GNB1: variants seen among roughly 807,000 people sequenced by gnomAD.
The protein encoded by GNB1 is G protein subunit beta 1.
In GNB1, 2 loss-of-function variants were observed where a neutral mutation model predicts 42.9. That is an observed-to-expected ratio of 0.05 (90% CI 0.02 to 0.15). GNB1 has a LOEUF of 0.15. Among genes scored for constraint, GNB1 ranks in the 10% least tolerant of loss-of-function variants. The pLI, the probability that GNB1 is intolerant of heterozygous loss-of-function variation, is 1.00. For missense variants in GNB1, 193 were observed against 462.2 expected, an observed-to-expected ratio of 0.42 and a Z score of 5.34; for synonymous variants, 183 against 174.7, an observed-to-expected ratio of 1.05 and a Z score of -0.38.
chr1:1,862,959 G>A (rs545282894), intron 1 of GNB1, among the ~76,000 whole-genome samples: 1 of 152,186 alleles, frequency 6.6e-6, no homozygotes, highest in African/African-American at 2.4e-5. Context: ...ACACACAAGA[G>A]GGAAAACCAA....
chr1:1,878,437 G>C (rs1337570668), intron 1 of GNB1, among the ~76,000 whole-genome samples: 3 of 152,172 alleles, frequency 2.0e-5, no homozygotes, highest in African/African-American at 7.2e-5. Context: ...GCACAGCCCT[G>C]ACTTGGGGCT....
chr1:1,887,582 G>T (rs1403849518), intron 1 of GNB1, among the ~76,000 whole-genome samples: 1 of 152,192 alleles, frequency 6.6e-6, no homozygotes, highest in African/African-American at 2.4e-5. Context: ...CTACCTAGAT[G>T]ATACTAGCTT....
intron 3 of GNB1, 190 bp from the exon 4 acceptor site, chr1:1,818,065 C>T (rs1240350882): frequency 1.2e-5 from 6 of 507,928 alleles, no homozygotes; most frequent in East Asian, 6.8e-5. Context: ...GTCCAGGCCA[C>T]GCTGAACAGA....
At chr1:1,792,350 TA>T (rs1413380404) in intron 8 of GNB1, among the ~76,000 whole-genome samples, 5 of 151,650 alleles carry the variant, frequency 3.3e-5, no homozygotes, top group African/African-American at 1.2e-4. Flanking sequence ...GAGGTACAAA[TA>T]TATAGAGGGG....
intron 1 of GNB1, among the ~76,000 whole-genome samples, chr1:1,887,729 C>G (rs950050408): frequency 5.3e-5 from 8 of 152,206 alleles, no homozygotes; most frequent in Non-Finnish European, 1.0e-4. Flanking sequence ...GATTCCCGTG[C>G]CTAAACCTCC....
At chr1:1,876,487 G>A (rs1352497805) in intron 1 of GNB1, among the ~76,000 whole-genome samples, 1 of 140,874 alleles carries the variant, frequency 7.1e-6, no homozygotes, top group African/African-American at 2.7e-5. Flanking sequence ...ACATGCATGT[G>A]CACACGAGAG....
chr1:1,869,919 G>A (rs1167156923), intron 1 of GNB1, among the ~76,000 whole-genome samples: 1 of 152,054 alleles, frequency 6.6e-6, no homozygotes, highest in African/African-American at 2.4e-5. Context: ...CTGGAGTGTA[G>A]TGGTACAATC....
At chr1:1,881,428 C>CTTTTTTTTT (rs70937201) in intron 1 of GNB1, among the ~76,000 whole-genome samples, 3 of 149,314 alleles carry the variant, frequency 2.0e-5, no homozygotes, top group Non-Finnish European at 3.0e-5. Flanking sequence ...TCATTTTTTT[C>CTTTTTTTTT]TTTTTTTTTG....
chr1:1,885,698 A>T (rs917728343), intron 1 of GNB1, among the ~76,000 whole-genome samples: 1 of 150,562 alleles, frequency 6.6e-6, no homozygotes, highest in African/African-American at 2.4e-5. Context: ...CTGGGACTAC[A>T]GGCGCCCGCC....
chr1:1,797,245 T>A (rs1477984685), intron 7 of GNB1, among the ~76,000 whole-genome samples: 5 of 152,154 alleles, frequency 3.3e-5, no homozygotes, highest in Non-Finnish European at 7.3e-5. Flanking sequence ...TGCCTAAATG[T>A]CTCACAATAG....
intron 5 of GNB1, among the ~76,000 whole-genome samples, chr1:1,811,157 C>T (rs1646772820): frequency 6.6e-6 from 1 of 150,842 alleles, no homozygotes; most frequent in African/African-American, 2.4e-5. Context: ...GTGATCTTGG[C>T]TCACTGCAAC....
At chr1:1,837,438 T>G (rs933968940) in intron 2 of GNB1, among the ~76,000 whole-genome samples, 2 of 151,986 alleles carry the variant, frequency 1.3e-5, no homozygotes, top group Non-Finnish European at 2.9e-5. Flanking sequence ...GTATTTTCAG[T>G]AGAGACGGGG....
At chr1:1,865,412 C>T (rs1390761120) in intron 1 of GNB1, among the ~76,000 whole-genome samples, 4 of 146,664 alleles carry the variant, frequency 2.7e-5, no homozygotes, top group East Asian at 4.1e-4. Context: ...CGGTGAAACC[C>T]CATCTCTACT....
intron 1 of GNB1, among the ~76,000 whole-genome samples, chr1:1,865,067 C>G (rs1256162938): frequency 2.6e-5 from 4 of 151,038 alleles, no homozygotes; most frequent in African/African-American, 7.3e-5. Flanking sequence ...TCGAGACCAT[C>G]CTGGCTAACA....
intron 1 of GNB1, among the ~76,000 whole-genome samples, chr1:1,852,176 G>T (rs1042372319): frequency 6.6e-6 from 1 of 152,088 alleles, no homozygotes; most frequent in African/African-American, 2.4e-5. Context: ...ACCAGGGGGC[G>T]ATCACTTGAG....
intron 1 of GNB1, among the ~76,000 whole-genome samples, chr1:1,885,561 T>G (rs893158179): frequency 6.2e-5 from 9 of 146,030 alleles, no homozygotes; most frequent in Admixed American, 2.7e-4. Context: ...CTTTTTTTTT[T>G]TTTTTTTTTT....
chr1:1,855,321 C>CA (rs371204734), intron 1 of GNB1, among the ~76,000 whole-genome samples: 31,656 of 99,244 alleles, frequency 0.32, 3,962 homozygotes, highest in Middle Eastern at 0.35. Context: ...GACACTGTGT[C>CA]AAAAAAAAAA....
intron 1 of GNB1, among the ~76,000 whole-genome samples, chr1:1,889,659 T>TTAA (rs1650361904): frequency 8.7e-6 from 1 of 115,308 alleles, no homozygotes; most frequent in Non-Finnish European, 1.8e-5. Flanking sequence ...TCCCATCTCT[T>TTAA]AAAAAAAAAA....
intron 8 of GNB1, among the ~76,000 whole-genome samples, chr1:1,791,253 C>A (rs996065421): frequency 6.6e-6 from 1 of 150,804 alleles, no homozygotes. Context: ...CTCACCACAA[C>A]CTCCGCCTCC....
Sources: allele counts gnomAD v4.1 joint callset (sites outside exome capture counted in the v4.1 genomes callset), GRCh38; gene constraint gnomAD v4.1.1; transcripts MANE v1.5; gene names NCBI Gene and HGNC (gene_info 2026-07-23, HGNC 2026-07-21).